CREB3L2: variants seen among roughly 807,000 people sequenced by gnomAD.
CREB3L2 encodes the protein cyclic AMP-responsive element-binding protein 3-like protein 2.
In CREB3L2, 23 loss-of-function variants were observed where a neutral mutation model predicts 57.2. That is an observed-to-expected ratio of 0.40 (90% confidence interval 0.29 to 0.57). The LOEUF is 0.57. Among genes scored for constraint, CREB3L2 ranks in the 20% least tolerant of loss-of-function variants. The pLI, the probability that CREB3L2 is intolerant of heterozygous loss-of-function variation, is 0.42. For synonymous variants in CREB3L2, 268 were observed against 265.1 expected (o/e 1.01, Z -0.11); for missense variants, 628 against 634.7 (o/e 0.99, Z 0.11).
intron 1 of CREB3L2, among the ~76,000 whole-genome samples, chr7:137,957,106 C>T (rs185859998): frequency 1.3e-5 from 2 of 152,032 alleles, no homozygotes; most frequent in African/African-American, 4.8e-5. Context: ...GTAATGATGA[C>T]GTGGAGTTCC....
At chr7:137,945,087 G>T in intron 1 of CREB3L2, among the ~76,000 whole-genome samples, 1 of 151,592 alleles carries the variant, frequency 6.6e-6, no homozygotes, top group Non-Finnish European at 1.5e-5. Flanking sequence ...GAGACTGGGG[G>T]TTTCACCATG....
chr7:137,960,777 C>T (rs908267570), intron 1 of CREB3L2, among the ~76,000 whole-genome samples: 15 of 147,786 alleles, frequency 1.0e-4, no homozygotes, highest in Non-Finnish European at 2.2e-4. Context: ...ATCTTATTTA[C>T]CAATTATTTT....
chr7:137,997,309 A>C (rs1366769233), intron 1 of CREB3L2, among the ~76,000 whole-genome samples: 1 of 152,110 alleles, frequency 6.6e-6, no homozygotes, highest in Non-Finnish European at 1.5e-5. Flanking sequence ...TCATCTCTTG[A>C]CTTCCACTTC....
At chr7:137,985,517 C>T (rs1260704795) in intron 1 of CREB3L2, among the ~76,000 whole-genome samples, 1 of 152,172 alleles carries the variant, frequency 6.6e-6, no homozygotes, top group Non-Finnish European at 1.5e-5. Flanking sequence ...CTGCTCAGTG[C>T]CATCCTGCTG....
Position 137,880,158 on chromosome 7 carries a change from C to T in CREB3L2, c.*318G>A, listed in dbSNP as rs932907126. On this transcript the variant is annotated 3_prime_UTR_variant, in exon 12 of 12. Coordinates refer to ENST00000330387, the MANE Select transcript of CREB3L2 (RefSeq NM_194071.4). The surrounding 1 kb of genome is among the most constrained non-coding windows in gnomAD (Gnocchi z 4.0). ...CGGGGGGTTACACCTCACAGGTGCA[C>T]ATTAGGCAATATCTTTTTGGCACTA... is the stretch of plus-strand genomic sequence containing the variant. 31 of 424,348 alleles carry T rather than the reference C, an allele frequency of 7.3e-5. 1 individual carries two copies. The highest frequency in any genetic ancestry group is 6.1e-4 in the South Asian group (22 of 36,332). 26.3% of individuals were successfully genotyped at this position (424,348 alleles called of 1,614,324 possible). A position where few individuals can be genotyped will look rare whatever the true frequency, so the allele number is the denominator to read the frequency against.
intron 6 of CREB3L2, among the ~76,000 whole-genome samples, chr7:137,905,221 A>C (rs1407100536): frequency 1.3e-5 from 2 of 151,298 alleles, no homozygotes; most frequent in Non-Finnish European, 2.9e-5. Context: ...GTGATCACAA[A>C]ACCCTACCAA....
chr7:137,916,418 C>T (rs565465360), intron 2 of CREB3L2, among the ~76,000 whole-genome samples: 1 of 152,222 alleles, frequency 6.6e-6, no homozygotes, highest in East Asian at 1.9e-4. Context: ...CATTTAAAAA[C>T]ATGAAAGAAA....
At chr7:137,919,044 C>T (rs1301176480) in intron 2 of CREB3L2, among the ~76,000 whole-genome samples, 2 of 152,180 alleles carry the variant, frequency 1.3e-5, no homozygotes, top group East Asian at 3.8e-4. Context: ...CCTCTCCTCC[C>T]CTGAGCTTTT....
Position 137,879,075 on chromosome 7 carries a change from T to G in CREB3L2, c.*1401A>C. Reference sequence around the variant, plus strand: ...CAAGCTCGGAAAAAACACTTGAGGGTTTTCTACATTACACAATAAAAAGGC... The same window carrying G: ...CAAGCTCGGAAAAAACACTTGAGGGGTTTCTACATTACACAATAAAAAGGC... On this transcript the variant is annotated 3_prime_UTR_variant, in exon 12 of 12. Transcript: ENST00000330387. 1 of 448,324 alleles carries G rather than the reference T, an allele frequency of 2.2e-6. No individual in the cohort carries two copies. The highest frequency in any genetic ancestry group is 4.2e-6 in the Non-Finnish European group (1 of 238,420). 27.8% of individuals were successfully genotyped at this position (448,324 alleles called of 1,614,324 possible). A position where few individuals can be genotyped will look rare whatever the true frequency, so the allele number is the denominator to read the frequency against.
chr7:137,879,156 T>C lies in CREB3L2; in HGVS notation c.*1320A>G. On this transcript the variant is annotated 3_prime_UTR_variant, in exon 12 of 12. Coordinates refer to ENST00000330387, the MANE Select transcript of CREB3L2 (RefSeq NM_194071.4). The stretch of plus-strand genomic sequence containing the variant: ...AAAGATTTTTTTAAACTACAAAAGT[T>C]ACTTTTAACCATAAAAAAAAAACAA... 2.0e-6 allele frequency: 1 copy of C among 508,874 alleles called. No homozygotes were observed. Among genetic ancestry groups the C allele is most frequent in the South Asian group, 1.7e-5 (1 of 59,326 alleles). 31.5% of individuals were successfully genotyped at this position (508,874 alleles called of 1,614,324 possible).
chr7:137,914,691 A>T (rs1180595965), intron 3 of CREB3L2, among the ~76,000 whole-genome samples: 1 of 152,118 alleles, frequency 6.6e-6, no homozygotes, highest in East Asian at 1.9e-4. Context: ...ACTAATATAG[A>T]CCAGAGAGCC....
chr7:137,946,804 T>TTA (rs1344351348), intron 1 of CREB3L2, among the ~76,000 whole-genome samples: 12 of 50,068 alleles, frequency 2.4e-4, no homozygotes, highest in African/African-American at 6.4e-4. Flanking sequence ...TTATATATAG[T>TTA]TATATATAGT....
intron 1 of CREB3L2, among the ~76,000 whole-genome samples, chr7:137,991,991 A>G (rs1801907578): frequency 6.6e-6 from 1 of 152,168 alleles, no homozygotes; most frequent in African/African-American, 2.4e-5. Context: ...ATCGGGCATT[A>G]AAATATGGAT....
At chr7:137,943,819 C>A (rs1439223257) in intron 1 of CREB3L2, among the ~76,000 whole-genome samples, 3 of 152,162 alleles carry the variant, frequency 2.0e-5, no homozygotes, top group African/African-American at 7.2e-5. Context: ...CTGGTAACAT[C>A]CCCCTTTCCC....
chr7:137,964,380 A>G (rs1045301263), intron 1 of CREB3L2, among the ~76,000 whole-genome samples: 1 of 152,192 alleles, frequency 6.6e-6, no homozygotes, highest in Non-Finnish European at 1.5e-5. Flanking sequence ...ACCCACTAGC[A>G]TGTCTCTGGC....
chr7:137,929,979 C>T (rs144189321), intron 1 of CREB3L2, among the ~76,000 whole-genome samples: 3,318 of 151,666 alleles, frequency 0.022, 61 homozygotes, highest in Admixed American at 0.062. Context: ...CTGCAAGCTC[C>T]GCCTCCCAGG....
chr7:137,929,920 C>T (rs1352875122), intron 1 of CREB3L2, among the ~76,000 whole-genome samples: 5 of 149,412 alleles, frequency 3.3e-5, no homozygotes, highest in African/African-American at 7.4e-5. Flanking sequence ...TTTTTTGAGA[C>T]GGAGTCTTGC....
chr7:137,981,769 T>C (rs766020774), intron 1 of CREB3L2, among the ~76,000 whole-genome samples: 1 of 152,236 alleles, frequency 6.6e-6, no homozygotes, highest in Non-Finnish European at 1.5e-5. Context: ...ATAAGCACAG[T>C]GGTTTTTCTG....
At chr7:137,994,244 C>T (rs76709873) in intron 1 of CREB3L2, among the ~76,000 whole-genome samples, 15 of 152,204 alleles carry the variant, frequency 9.9e-5, no homozygotes, top group East Asian at 1.9e-4. Flanking sequence ...CACCAGACAG[C>T]GTAGAGCCAT....
Sources: gnomAD v4.1 joint callset for allele counts (sites outside exome capture counted in the v4.1 genomes callset) on GRCh38, gnomAD v4.1.1 for gene constraint, Gnocchi (gnomAD v3.1) non-coding constraint, MANE v1.5 for transcripts, NCBI Gene and HGNC (gene_info 2026-07-23, HGNC 2026-07-21) for gene names.